The following MSLN variants were observed in gnomAD, a reference collection of about 807,000 sequenced individuals.
MSLN encodes CAK1 antigen.
In MSLN, 82 loss-of-function variants were observed where a neutral mutation model predicts 72.6. That is an observed-to-expected ratio of 1.13 (90% CI 0.94 to 1.36). The LOEUF (loss-of-function observed/expected upper bound fraction) is 1.36. MSLN is among the 40% of genes most tolerant of loss of function. MSLN has a pLI of 0.00. For synonymous variants in MSLN, 456 were observed against 387.3 expected, an observed-to-expected ratio of 1.18 and a Z score of -2.08; for missense variants, 1,005 against 847.9, an observed-to-expected ratio of 1.19 and a Z score of -2.30.
Position 766,763 on chromosome 16 carries a change from C to G in MSLN, c.1326C>G (p.Cys442Trp). 1 of 1,612,640 alleles carries G rather than the reference C, an allele frequency of 6.2e-7. No individual in the cohort carries two copies. The highest frequency in any genetic ancestry group is 8.5e-7 in the Non-Finnish European group (1 of 1,179,886). ...TLTAFYPGYL[C>W]SLSPEELSSV... Reference sequence around the variant, plus strand: ...CCGCCTTCTACCCTGGGTACCTGTGCTCCCTCAGCCCCGAGGAGCTGAGCT... The same window carrying G: ...CCGCCTTCTACCCTGGGTACCTGTGGTCCCTCAGCCCCGAGGAGCTGAGCT... Residue 442 changes from cysteine to tryptophan, a missense_variant, in exon 14 of 18, where the codon TGC (cysteine) becomes TGG (tryptophan). By Grantham distance (215) the Cys-to-Trp change is radical (BLOSUM62 -2). Transcript: ENST00000545450.
Position 765,013 on chromosome 16 carries a change from CT to C in MSLN, c.488del (p.Leu163ArgfsTer15), listed in dbSNP as rs779186501. On this transcript the variant is annotated frameshift_variant, in exon 8 of 18. Transcript: ENST00000545450. LOFTEE classifies it high-confidence loss of function. ...PRGAPERQRL[L>X]PAALACWGVR... is the part of the protein sequence containing the mutation. ...GGGGGCTCCCGAGCGACAGCGGCTG[CT>C]GCCTGCGGCTCTGGCCTGCTGGGTA... 5.0e-5 allele frequency: 80 copies of C among 1,611,454 alleles called. No homozygotes were observed. Among genetic ancestry groups the C allele is most frequent in the Non-Finnish European group, 6.6e-5 (78 of 1,179,498 alleles).
chr16:761,701 C>A (rs1391018183), intron 2 of MSLN, among the ~76,000 whole-genome samples: 1 of 152,180 alleles, frequency 6.6e-6, no homozygotes, highest in Admixed American at 6.5e-5. Flanking sequence ...TCCTCTGGGG[C>A]CTGGGGGAGT....
Position 760,750 on chromosome 16 carries a change from G to A in MSLN, c.-183G>A, listed in dbSNP as rs942581386. ...GGCAAAGCCGTCATTTGTTCCCTTT[G>A]ACGGCCCGGGAGGCTGCCAGGCTCT... On this transcript the variant is annotated 5_prime_UTR_variant, in exon 1 of 18. Transcript: ENST00000545450. The A allele has an allele frequency of 6.6e-6, 1 of 152,244 alleles. No homozygotes were observed. The highest frequency in any genetic ancestry group is 1.5e-5 in the Non-Finnish European group (1 of 68,090). The allele number at this position is 152,244 out of a possible 1,614,324, so 9.4% of individuals were successfully genotyped here.
intron 6 of MSLN, 101 bp downstream of exon 6, chr16:764,244 C>T (rs1329327855): frequency 2.5e-5 from 36 of 1,431,938 alleles, no homozygotes; most frequent in Non-Finnish European, 3.3e-5. Context: ...CCCTCTGTCC[C>T]TGCTGCCATC....
chr16:764,201 C>A lies in MSLN; in HGVS notation c.300+58C>A, dbSNP rs969396977. The A allele has an allele frequency of 7.0e-6, 11 of 1,567,926 alleles. No individual in the cohort carries two copies. In the African/African-American group the frequency reaches 1.5e-4, roughly 21 times the overall value. ...CAGCTGGGGCTGAGGAATTCACAGG[C>A]AGCTCTGCAGTGCCCACCTTGCCAC... On this transcript the variant is annotated intron_variant, in intron 6 of 17. Coordinates refer to ENST00000545450, the MANE Select transcript of MSLN (RefSeq NM_005823.6).
intron 2 of MSLN, among the ~76,000 whole-genome samples, chr16:762,005 T>C (rs1028752816): frequency 6.8e-6 from 1 of 146,510 alleles, no homozygotes; most frequent in Non-Finnish European, 1.5e-5. Flanking sequence ...CCCCACCCAC[T>C]TCCCCACCCC....
Position 765,701 on chromosome 16 carries a change from C to A in MSLN, c.806C>A (p.Ala269Asp). Residue 269 changes from alanine to aspartate, a missense_variant, in exon 11 of 18, where the codon GCC becomes GAC. Transcript: ENST00000545450. ...IIRSIPQGIV[A>D]AWRQRSSRDP... ...CCTGCTCGTCCTCAGGGCATCGTGG[C>A]CGCGTGGCGGCAACGCTCCTCTCGG... is the stretch of plus-strand genomic sequence containing the variant. The A allele has an allele frequency of 6.2e-7, 1 of 1,600,826 alleles. No individual in the cohort carries two copies. Among genetic ancestry groups the A allele is most frequent in the South Asian group, 1.1e-5 (1 of 91,044 alleles).
At chr16:766,593 C>G in intron 13 of MSLN, 75 bp from the exon 14 acceptor site, 1 of 1,609,110 alleles carries the variant, frequency 6.2e-7, no homozygotes. Flanking sequence ...GTCAGGGGCA[C>G]GGCCTGAGGT....
chr16:766,548 G>A, intron 13 of MSLN, 58 bp downstream of exon 13: 1 of 1,610,142 alleles, frequency 6.2e-7, no homozygotes, highest in Non-Finnish European at 8.5e-7. Flanking sequence ...GAGGGGCAGA[G>A]TGGGGGACAA....
Position 768,803 on chromosome 16 carries a change from T to C in MSLN, c.*70T>C, listed in dbSNP as rs760066965. 1 of 1,446,620 alleles carries C rather than the reference T, an allele frequency of 6.9e-7. No homozygotes were observed. The highest frequency in any genetic ancestry group is 9.6e-7 in the Non-Finnish European group (1 of 1,041,578). The allele number at this position is 1,446,620 out of a possible 1,614,324, so 89.6% of individuals were successfully genotyped here. On this transcript the variant is annotated 3_prime_UTR_variant, in exon 18 of 18. Coordinates refer to ENST00000545450, the MANE Select transcript of MSLN (RefSeq NM_005823.6). Reference sequence around the variant, plus strand: ...CCTGGCCAGGAGCAGGCACGGGTGGTCCCCGTTCCACCCCAAGAGAACTCG... The same window carrying C: ...CCTGGCCAGGAGCAGGCACGGGTGGCCCCCGTTCCACCCCAAGAGAACTCG...
intron 2 of MSLN, 79 bp from the exon 3 acceptor site, chr16:762,593 C>T: frequency 1.8e-6 from 2 of 1,082,644 alleles, no homozygotes; most frequent in South Asian, 1.3e-5. Flanking sequence ...CTCCTGGGCC[C>T]ATGTGGCCCC....
rs34695957 is a variant in MSLN, at chr16:764,942, G to A, written c.416G>A (p.Arg139His). ...TTCTCGGGGCCCCAGGCCTGCACCC[G>A]TTTCTTCTCCCGCATCACGAAGGCC... ...DAFSGPQACTRFFSRITKANV... is the reference protein window; with the variant it reads ...DAFSGPQACTHFFSRITKANV... The change falls in exon 8 of 18, where the codon CGT (arginine) becomes CAT (histidine). Residue 139 changes from arginine to histidine, a missense_variant. Arg to His is a conservative substitution (Grantham distance 29). Transcript: ENST00000545450. The A allele has an allele frequency of 0.021, 33,698 of 1,612,268 alleles. 1,486 individuals are homozygous for A. Among genetic ancestry groups the A allele is most frequent in the African/African-American group, 0.17 (12,435 of 75,000 alleles).
chr16:763,556 G>A lies in MSLN; in HGVS notation c.130-86G>A, dbSNP rs901936126. On this transcript the variant is annotated intron_variant, in intron 4 of 17. Coordinates refer to ENST00000545450, the MANE Select transcript of MSLN (RefSeq NM_005823.6). The stretch of plus-strand genomic sequence containing the variant: ...CCTGGGAAGTAGCTGAACTCGGGGA[G>A]TACCTGGCCCAGGGGTAGCGGGACC... 24 of 1,346,038 alleles carry A rather than the reference G, an allele frequency of 1.8e-5. No homozygotes were observed. In the East Asian group the frequency reaches 5.8e-4, roughly 32 times the overall value. 83.4% of individuals were successfully genotyped at this position (1,346,038 alleles called of 1,614,324 possible). A position where few individuals can be genotyped will look rare whatever the true frequency, so the allele number is the denominator to read the frequency against.
Position 767,176 on chromosome 16 carries a change from G to A in MSLN, c.1501+164G>A, listed in dbSNP as rs536948356. ...GGTGTGTATGGCCTTAGGGGCTGTG[G>A]GTTCTGACCCCAGCTCGGGGCGCCA... On this transcript the variant is annotated intron_variant, in intron 15 of 17. Transcript: ENST00000545450. 2.3e-3 allele frequency among the ~76,000 whole-genome samples: 356 copies of A among 152,182 alleles called. 1 individual carries two copies. Among genetic ancestry groups the A allele is most frequent in the Middle Eastern group, 6.8e-3 (2 of 294 alleles).
Position 768,576 on chromosome 16 carries a change from C to A in MSLN, c.1783+11C>A, listed in dbSNP as rs763204297. ...ACCTCAGCATGCAAGGTGGGCGGGG[C>A]GGCCAGGCCAGGGCTGGGGGCAGAG... On this transcript the variant is annotated intron_variant, in intron 17 of 17. Coordinates refer to ENST00000545450, the MANE Select transcript of MSLN (RefSeq NM_005823.6). The A allele has an allele frequency of 1.9e-6, 3 of 1,606,718 alleles. No individual in the cohort carries two copies. The South Asian group carries it at 3.3e-5, about 18-fold the overall frequency.
Position 766,494 on chromosome 16 carries a change from A to T in MSLN, c.1230+4A>T, listed in dbSNP as rs1032869514. 6.2e-7 allele frequency: 1 copy of T among 1,612,288 alleles called. No homozygotes were observed. Among genetic ancestry groups the T allele is most frequent in the African/African-American group, 1.3e-5 (1 of 74,864 alleles). ...AGGGCACGAAATGAGTCCTCAGGTGACCGTCCGGCTCGGGGGTCATGTGGC... is the reference window on the plus strand; with the variant it reads ...AGGGCACGAAATGAGTCCTCAGGTGTCCGTCCGGCTCGGGGGTCATGTGGC... On this transcript the variant is annotated splice_donor_region_variant and intron_variant, in intron 13 of 17. Coordinates refer to ENST00000545450, the MANE Select transcript of MSLN (RefSeq NM_005823.6).
rs61741991 is a variant in MSLN at position 766,896 on chromosome 16, C to T, written c.1385C>T (p.Pro462Leu). The T allele has an allele frequency of 4.8e-5, 77 of 1,612,432 alleles. No individual in the cohort carries two copies. Among genetic ancestry groups the T allele is most frequent in the Admixed American group, 1.7e-5 (1 of 59,994 alleles). Residue 462 changes from proline to leucine, a missense_variant, in exon 15 of 18, where the codon CCC becomes CTC. Coordinates refer to ENST00000545450, the MANE Select transcript of MSLN (RefSeq NM_005823.6). ...VPPSSIWAVRPQDLDTCDPRQ... is the reference protein window; with the variant it reads ...VPPSSIWAVRLQDLDTCDPRQ... ...CACCGTGTCCCCAGGGCGGTCAGGC[C>T]CCAGGACCTGGACACGTGTGACCCA...
At position 764,997 on chromosome 16, in the gene MSLN, C is replaced by G. The variant is rs375956169; in HGVS notation, c.471C>G (p.Pro157=). The G allele has an allele frequency of 6.2e-6, 10 of 1,612,036 alleles. No homozygotes were observed. Among genetic ancestry groups the G allele is most frequent in the Non-Finnish European group, 8.5e-6 (10 of 1,179,634 alleles). Residue 157 remains proline (P), a synonymous_variant, in exon 8 of 18, where the codon CCC becomes CCG. Coordinates refer to ENST00000545450, the MANE Select transcript of MSLN (RefSeq NM_005823.6). ...TGGACCTGCTCCCGAGGGGGGCTCC[C>G]GAGCGACAGCGGCTGCTGCCTGCGG... ...ANVDLLPRGA[P]ERQRLLPAAL... is the part of the protein sequence containing the mutation.
At chr16:762,825 G>A in intron 3 of MSLN, 60 bp downstream of exon 3, 1 of 1,402,126 alleles carries the variant, frequency 7.1e-7, no homozygotes, top group Non-Finnish European at 9.6e-7. Flanking sequence ...TGGGGGCCAG[G>A]CCCCCAGCAA....
Sources: gnomAD v4.1 joint callset for allele counts (sites outside exome capture counted in the v4.1 genomes callset) on GRCh38, gnomAD v4.1.1 for gene constraint, MANE v1.5 for transcripts, NCBI Gene and HGNC (gene_info 2026-07-23, HGNC 2026-07-21) for gene names.